WIPF1: variants seen among roughly 807,000 people sequenced by gnomAD.
WIPF1 encodes the protein WAS/WASL-interacting protein family member 1.
In WIPF1, 13 loss-of-function variants were observed where a neutral mutation model predicts 35.4. The observed-to-expected ratio is 0.37, with a 90% CI of 0.24 to 0.58. The LOEUF (loss-of-function observed/expected upper bound fraction) is 0.58. Ranked by LOEUF, WIPF1 falls within the 20% of genes least tolerant of loss-of-function variation. The pLI is 0.74. For missense variants in WIPF1, 591 were observed against 667.0 expected (o/e 0.89, Z 1.25); for synonymous variants, 267 against 266.3 (o/e 1.00, Z -0.02).
upstream of WIPF1, among the ~76,000 whole-genome samples, chr2:174,601,712 C>T (rs1686014343): frequency 6.6e-6 from 1 of 152,216 alleles, no homozygotes; most frequent in African/African-American, 2.4e-5. Flanking sequence ...CCAGCAGCCA[C>T]GTTCTTTAAA....
rs1421453828 is a variant in WIPF1, at chr2:174,571,253, T to C, written c.1129+423A>G. 1 of 374,460 alleles carries C rather than the reference T, an allele frequency of 2.7e-6. No homozygotes were observed. The highest frequency in any genetic ancestry group is 4.8e-6 in the Non-Finnish European group (1 of 206,622). The allele number at this position is 374,460 out of a possible 1,614,324, so 23.2% of individuals were successfully genotyped here. The stretch of plus-strand genomic sequence containing the variant: ...AGAGAGAAGTACAGGAGAAGTTCAT[T>C]AGCTCTTGAAGAACTTCCCCTCTTG... On this transcript the variant is annotated intron_variant, in intron 5 of 7. Transcript: ENST00000679041. This position sits in a 1 kb window ranked among gnomAD's most constrained non-coding sequence, Gnocchi z 4.6.
chr2:174,649,261 C>G (rs540260511), intron 1 of WIPF1, among the ~76,000 whole-genome samples: 2 of 152,310 alleles, frequency 1.3e-5, no homozygotes, highest in South Asian at 4.1e-4. Flanking sequence ...GGTACACACA[C>G]GTATATATTT....
Position 174,605,799 on chromosome 2 carries a change from T to G in WIPF1, c.-38-20188A>C, listed in dbSNP as rs1686143140. Reference sequence around the variant, plus strand: ...GAGTACACAGCAGTTTGTTACACAGTTCTGTCTACTTTTCATATATATTTA... The same window carrying G: ...GAGTACACAGCAGTTTGTTACACAGGTCTGTCTACTTTTCATATATATTTA... On this transcript the variant is annotated intron_variant, in intron 1 of 8. Coordinates refer to the WIPF1 transcript ENST00000272746. 2.6e-5 allele frequency among the ~76,000 whole-genome samples: 4 copies of G among 152,130 alleles called. No homozygotes were observed. In the South Asian group the frequency reaches 8.3e-4, roughly 31 times the overall value.
In WIPF1 at chr2:174,575,328, G is replaced by A. The variant is rs771529566; in HGVS notation, c.234C>T (p.Gly78=). 2.2e-5 allele frequency: 35 copies of A among 1,613,108 alleles called. No individual in the cohort carries two copies. In the East Asian group the frequency reaches 3.8e-4, roughly 17 times the overall value. Residue 78 remains glycine (G), a synonymous_variant, in exon 4 of 8, where the codon GGC becomes GGT. Coordinates refer to ENST00000679041, the MANE Select transcript of WIPF1 (RefSeq NM_001375834.1). ...GGGGGGFGGG[G]GFGGGGGGGG... is the part of the protein sequence containing the mutation. ...CGCCACCACCTCCTCCGCCAAATCC[G>A]CCGCCTCCACCAAAGCCACCACCAC...
At chr2:174,563,921 A>G (rs1175092147) in intron 7 of WIPF1, among the ~76,000 whole-genome samples, 2 of 152,018 alleles carry the variant, frequency 1.3e-5, no homozygotes, top group African/African-American at 4.8e-5. Flanking sequence ...TGAAAGAAGC[A>G]CCTCTTCCTC....
intron 1 of WIPF1, among the ~76,000 whole-genome samples, chr2:174,589,276 G>A (rs1685531178): frequency 6.6e-6 from 1 of 152,234 alleles, no homozygotes; most frequent in African/African-American, 2.4e-5. Flanking sequence ...TGAAAGAACT[G>A]TGTATCACAC....
chr2:174,682,039 AAAAAG>A (rs1283219380), intron 1 of WIPF1, among the ~76,000 whole-genome samples: 1 of 152,254 alleles, frequency 6.6e-6, no homozygotes, highest in Non-Finnish European at 1.5e-5. Context: ...TTCTTTCTTT[AAAAAG>A]AAAAGTATGT....
intron 1 of WIPF1, among the ~76,000 whole-genome samples, chr2:174,662,560 A>G (rs566431840): frequency 2.6e-5 from 4 of 152,364 alleles, no homozygotes; most frequent in African/African-American, 9.6e-5. Context: ...AGTAGAGCTA[A>G]TCTGAGCCCC....
intron 1 of WIPF1, among the ~76,000 whole-genome samples, chr2:174,595,114 A>ATC (rs1685770388): frequency 1.6e-5 from 1 of 61,862 alleles, no homozygotes; most frequent in African/African-American, 6.6e-5. Context: ...AAAAAAATAT[A>ATC]TATATATATA....
At chr2:174,581,148 A>C (rs1685228132) in intron 3 of WIPF1, 162 bp downstream of exon 3, 1 of 982,040 alleles carries the variant, frequency 1.0e-6, no homozygotes, top group African/African-American at 1.6e-5. Flanking sequence ...ACCCAAGCCA[A>C]AGCTGCGGCC....
intron 1 of WIPF1, among the ~76,000 whole-genome samples, chr2:174,640,822 G>A (rs1052129585): frequency 7.3e-5 from 11 of 151,636 alleles, no homozygotes; most frequent in African/African-American, 2.7e-4. Flanking sequence ...TGTTAAAATG[G>A]CCAACCTACC....
chr2:174,627,732 G>A (rs1412057625), intron 1 of WIPF1, among the ~76,000 whole-genome samples: 2 of 151,828 alleles, frequency 1.3e-5, no homozygotes, highest in African/African-American at 4.8e-5. Context: ...TTTTTGTAGA[G>A]ATGGGGTCTT....
chr2:174,567,753 G>T, intron 6 of WIPF1, 108 bp downstream of exon 6: 1 of 1,242,620 alleles, frequency 8.0e-7, no homozygotes, highest in Non-Finnish European at 1.1e-6. Flanking sequence ...AATGGAGTGT[G>T]ATAATGATGG....
chr2:174,675,960 T>C (rs1688121107), intron 1 of WIPF1, among the ~76,000 whole-genome samples: 1 of 150,470 alleles, frequency 6.6e-6, no homozygotes, highest in African/African-American at 2.4e-5. Flanking sequence ...TATTTATTTA[T>C]TTTTGAGACA....
In WIPF1 at chr2:174,585,620, A is replaced by T. The variant is rs1377074699; in HGVS notation, c.-38-9T>A. 2 of 1,568,114 alleles carry T rather than the reference A, an allele frequency of 1.3e-6. No homozygotes were observed. Among genetic ancestry groups the T allele is most frequent in the Non-Finnish European group, 1.8e-6 (2 of 1,141,028 alleles). ...CAGTCTTGCTGATAAATCTGGAAAAACAAGAATGCGATCATGTATTAGATG... is the reference window on the plus strand; with the variant it reads ...CAGTCTTGCTGATAAATCTGGAAAATCAAGAATGCGATCATGTATTAGATG... On this transcript the variant is annotated splice_polypyrimidine_tract_variant and intron_variant, in intron 1 of 7. Coordinates refer to ENST00000679041, the MANE Select transcript of WIPF1 (RefSeq NM_001375834.1).
chr2:174,675,694 A>G (rs189419983), intron 1 of WIPF1, among the ~76,000 whole-genome samples: 6 of 152,256 alleles, frequency 3.9e-5, no homozygotes, highest in Admixed American at 6.5e-5. Flanking sequence ...AAAGAGTCAT[A>G]TTTTCAGCAA....
At chr2:174,605,849 T>TAA (rs796299539) in intron 1 of WIPF1, among the ~76,000 whole-genome samples, 1 of 147,576 alleles carries the variant, frequency 6.8e-6, no homozygotes, top group African/African-American at 2.5e-5. Flanking sequence ...CAAAAAGCAT[T>TAA]AAAAAAAAAA....
At chr2:174,564,814 T>TACACAC (rs1559144051) in intron 7 of WIPF1, among the ~76,000 whole-genome samples, 2 of 94,986 alleles carry the variant, frequency 2.1e-5, no homozygotes, top group East Asian at 3.7e-4. Context: ...CTTCTTCTGG[T>TACACAC]GCACACACAC....
chr2:174,671,966 C>A (rs999759470), intron 1 of WIPF1, among the ~76,000 whole-genome samples: 6 of 152,152 alleles, frequency 3.9e-5, no homozygotes, highest in African/African-American at 1.4e-4. Flanking sequence ...GTGACCCACA[C>A]CCTATTTGTA....
Sources: gnomAD v4.1 joint callset for allele counts (sites outside exome capture counted in the v4.1 genomes callset) on GRCh38, gnomAD v4.1.1 for gene constraint, Gnocchi (gnomAD v3.1) non-coding constraint, MANE v1.5 for transcripts, NCBI Gene and HGNC (gene_info 2026-07-23, HGNC 2026-07-21) for gene names.